The following SLC4A10 variants were observed in gnomAD, a reference collection of about 807,000 sequenced individuals.
SLC4A10 encodes solute carrier family 4 member 10, also known as sodium-driven chloride bicarbonate exchanger.
SLC4A10 carries 42 observed loss-of-function variants against 137.7 expected under a neutral mutation model. That is an observed-to-expected ratio of 0.30 (90% CI 0.24 to 0.39). The LOEUF (loss-of-function observed/expected upper bound fraction) is 0.39. Among genes scored for constraint, SLC4A10 ranks in the 10% least tolerant of loss-of-function variants. The probability of loss-of-function intolerance (pLI) is 1.00; values close to 1 mark genes in which losing one functional copy is unlikely to be tolerated. For synonymous variants in SLC4A10, 474 were observed against 464.1 expected, an observed-to-expected ratio of 1.02 and a Z score of -0.27; for missense variants, 925 against 1,355.0, an observed-to-expected ratio of 0.68 and a Z score of 4.98.
intron 17 of SLC4A10, among the ~76,000 whole-genome samples, chr2:161,948,853 G>T (rs547883469): frequency 2.6e-5 from 4 of 152,042 alleles, no homozygotes; most frequent in Non-Finnish European, 4.4e-5. Context: ...CACATGCATG[G>T]GTTCATCATA....
intron 2 of SLC4A10, among the ~76,000 whole-genome samples, chr2:161,789,019 A>T (rs78209294): frequency 0.28 from 42,510 of 152,090 alleles, 7,667 homozygotes; most frequent in Non-Finnish European, 0.42. Context: ...AGGGGTTCTG[A>T]GGTATGTTTG....
chr2:161,836,530 GAGAAAGAA>G (rs71009343), intron 3 of SLC4A10, among the ~76,000 whole-genome samples: 5,867 of 78,952 alleles, frequency 0.074, 322 homozygotes, highest in South Asian at 0.09. Flanking sequence ...GAGAGAGAGA[GAGAAAGAA>G]AGAAAGAAAG....
chr2:161,843,656 T>G (rs534057123), intron 4 of SLC4A10, among the ~76,000 whole-genome samples: 154 of 152,290 alleles, frequency 1.0e-3, no homozygotes, highest in African/African-American at 3.6e-3. Flanking sequence ...CTAATTCATC[T>G]AAAAACACTA....
At chr2:161,772,388 A>G (rs1261751434) in intron 2 of SLC4A10, among the ~76,000 whole-genome samples, 1 of 151,854 alleles carries the variant, frequency 6.6e-6, no homozygotes, top group Non-Finnish European at 1.5e-5. Flanking sequence ...CTAGAAATAT[A>G]CTCAATTCCA....
At chr2:161,847,043 C>G (rs749292324) in intron 4 of SLC4A10, among the ~76,000 whole-genome samples, 1 of 151,112 alleles carries the variant, frequency 6.6e-6, no homozygotes, top group Non-Finnish European at 1.5e-5. Context: ...TCAAGACCAG[C>G]CTGGGTAACA....
At chr2:161,786,595 C>T (rs1016809364) in intron 2 of SLC4A10, among the ~76,000 whole-genome samples, 1 of 149,302 alleles carries the variant, frequency 6.7e-6, no homozygotes, top group African/African-American at 2.5e-5. Context: ...CTTTTCTGTT[C>T]GAAGTTTATG....
chr2:161,917,589 A>G (rs988149289), intron 15 of SLC4A10, among the ~76,000 whole-genome samples: 7 of 151,958 alleles, frequency 4.6e-5, no homozygotes, highest in East Asian at 1.9e-4. Flanking sequence ...AAAAAAAAAA[A>G]AAAGAAAGAA....
chr2:161,955,026 C>T (rs893074305), intron 19 of SLC4A10, among the ~76,000 whole-genome samples: 6 of 152,174 alleles, frequency 3.9e-5, no homozygotes, highest in Non-Finnish European at 8.8e-5. Flanking sequence ...TGATGCTCAT[C>T]TCACAGCCAC....
At chr2:161,721,042 T>G (rs1166122992) in intron 1 of SLC4A10, among the ~76,000 whole-genome samples, 1 of 152,176 alleles carries the variant, frequency 6.6e-6, no homozygotes, top group Non-Finnish European at 1.5e-5. Context: ...TTGATCAGGC[T>G]GGTCTTGAAC....
At chr2:161,849,941 G>C (rs1176065346) in intron 4 of SLC4A10, among the ~76,000 whole-genome samples, 1 of 151,950 alleles carries the variant, frequency 6.6e-6, no homozygotes, top group African/African-American at 2.4e-5. Flanking sequence ...CCTCCTCCTT[G>C]TTTTTTGGAA....
intron 1 of SLC4A10, among the ~76,000 whole-genome samples, chr2:161,742,072 T>C (rs56009150): frequency 0.08 from 12,190 of 152,278 alleles, 622 homozygotes; most frequent in East Asian, 0.14. Context: ...TGTGAGAACA[T>C]GTGAAGTTTA....
At chr2:161,913,452 A>G (rs1686346251) in intron 15 of SLC4A10, among the ~76,000 whole-genome samples, 1 of 152,224 alleles carries the variant, frequency 6.6e-6, no homozygotes, top group Admixed American at 6.5e-5. Context: ...CAGAAATACA[A>G]TAGCTATAAA....
intron 3 of SLC4A10, among the ~76,000 whole-genome samples, chr2:161,819,501 C>CTTTTTTTTTTTTTT (rs112848503): frequency 6.9e-6 from 1 of 144,480 alleles, no homozygotes. Flanking sequence ...TAAAATTTCA[C>CTTTTTTTTTTTTTT]TTTTTTTTTT....
intron 1 of SLC4A10, among the ~76,000 whole-genome samples, chr2:161,760,924 C>T (rs1283971567): frequency 6.6e-6 from 1 of 151,438 alleles, no homozygotes; most frequent in East Asian, 1.9e-4. Flanking sequence ...ACACACACAC[C>T]CCACACACAC....
intron 1 of SLC4A10, among the ~76,000 whole-genome samples, chr2:161,631,927 T>C (rs1378493436): frequency 2.6e-5 from 4 of 151,704 alleles, no homozygotes; most frequent in African/African-American, 9.7e-5. Flanking sequence ...AATGACAAAG[T>C]CCCTGTACCA....
intron 3 of SLC4A10, among the ~76,000 whole-genome samples, chr2:161,838,147 A>G (rs915165106): frequency 1.3e-5 from 2 of 152,242 alleles, no homozygotes; most frequent in Non-Finnish European, 2.9e-5. Flanking sequence ...CCAGAAAAAC[A>G]GTCCAAACAA....
chr2:161,713,658 A>G (rs2044535834), intron 1 of SLC4A10, among the ~76,000 whole-genome samples: 1 of 151,888 alleles, frequency 6.6e-6, no homozygotes, highest in African/African-American at 2.4e-5. Context: ...TCATGTTACT[A>G]TGGTGAATAG....
intron 26 of SLC4A10, among the ~76,000 whole-genome samples, chr2:161,978,414 A>G (rs971285600): frequency 6.6e-6 from 1 of 151,234 alleles, no homozygotes; most frequent in South Asian, 2.1e-4. Context: ...AAAGAAAAAG[A>G]AAAAGAAAAA....
intron 1 of SLC4A10, among the ~76,000 whole-genome samples, chr2:161,670,283 CT>C (rs1304211000): frequency 7.1e-6 from 1 of 141,096 alleles, no homozygotes; most frequent in Non-Finnish European, 1.5e-5. Context: ...CTTTTCTTCT[CT>C]TCCTCCCTTT....
Sources: allele counts gnomAD v4.1 joint callset (sites outside exome capture counted in the v4.1 genomes callset), GRCh38; gene constraint gnomAD v4.1.1; transcripts MANE v1.5; gene names NCBI Gene and HGNC (gene_info 2026-07-23, HGNC 2026-07-21).